ERBB4: variants seen among roughly 807,000 people sequenced by gnomAD.
ERBB4 encodes the protein receptor tyrosine-protein kinase erbB-4.
Under a neutral mutation model 158.0 loss-of-function variants are expected in ERBB4, and 42 were observed. The observed-to-expected ratio is 0.27, with a 90% CI of 0.21 to 0.34. ERBB4 has a LOEUF of 0.34. ERBB4 is among the 10% of genes least tolerant of loss of function. The probability of loss-of-function intolerance (pLI) is 1.00; values close to 1 mark genes in which losing one functional copy is unlikely to be tolerated. For missense variants in ERBB4, 1,333 were observed against 1,624.1 expected (o/e 0.82, Z 3.08); for synonymous variants, 583 against 558.7 (o/e 1.04, Z -0.61).
chr2:211,924,836 GA>G (rs2079972525), intron 3 of ERBB4, among the ~76,000 whole-genome samples: 1 of 152,110 alleles, frequency 6.6e-6, no homozygotes, highest in African/African-American at 2.4e-5. Flanking sequence ...AACCAAGGAA[GA>G]AAAAGGACCA....
chr2:211,812,702 T>C (rs1274909379), intron 3 of ERBB4, among the ~76,000 whole-genome samples: 1 of 152,190 alleles, frequency 6.6e-6, no homozygotes, highest in African/African-American at 2.4e-5. Flanking sequence ...CCATCCAATT[T>C]GAGCTTCCCC....
At chr2:211,550,913 G>T (rs549682529) in intron 20 of ERBB4, among the ~76,000 whole-genome samples, 1 of 150,660 alleles carries the variant, frequency 6.6e-6, no homozygotes, top group African/African-American at 2.4e-5. Context: ...CCGAGACACC[G>T]CAAGAATTCC....
At chr2:212,295,666 A>C (rs2106192926) in intron 1 of ERBB4, among the ~76,000 whole-genome samples, 1 of 152,132 alleles carries the variant, frequency 6.6e-6, no homozygotes, top group South Asian at 2.1e-4. Context: ...CAGTTACTTA[A>C]TATTTGTGAA....
At chr2:211,423,314 A>G (rs1019436920) in intron 23 of ERBB4, among the ~76,000 whole-genome samples, 1 of 151,982 alleles carries the variant, frequency 6.6e-6, no homozygotes, top group Non-Finnish European at 1.5e-5. Flanking sequence ...TGTCATGAAT[A>G]TAAATCTGAG....
chr2:211,382,065 GTGT>G lies in ERBB4; in HGVS notation c.*1547_*1549del. ...TTATATAAAGTATCAAAAGATTAGT[GTGT>G]TGGATAATAAAATAATTGCATGAGA... On this transcript the variant is annotated 3_prime_UTR_variant, in exon 28 of 28. Transcript: ENST00000342788. The G allele has an allele frequency of 4.4e-6, 1 of 229,408 alleles. No homozygotes were observed. Among genetic ancestry groups the G allele is most frequent in the Non-Finnish European group, 8.6e-6 (1 of 115,682 alleles). 14.2% of individuals were successfully genotyped at this position (229,408 alleles called of 1,614,324 possible). A position where few individuals can be genotyped will look rare whatever the true frequency, so the allele number is the denominator to read the frequency against.
chr2:212,479,327 T>G (rs1689567571), intron 1 of ERBB4, among the ~76,000 whole-genome samples: 1 of 152,118 alleles, frequency 6.6e-6, no homozygotes, highest in South Asian at 2.1e-4. Flanking sequence ...TCTTTCTCTT[T>G]CTCATAGCCA....
At chr2:211,677,716 T>C (rs1012096358) in intron 13 of ERBB4, among the ~76,000 whole-genome samples, 7 of 147,880 alleles carry the variant, frequency 4.7e-5, no homozygotes. Context: ...CTACCAAAAA[T>C]ACAAAAAATT....
At chr2:211,481,251 A>C (rs546359948) in intron 20 of ERBB4, among the ~76,000 whole-genome samples, 1 of 151,776 alleles carries the variant, frequency 6.6e-6, no homozygotes, top group East Asian at 1.9e-4. Context: ...TGAAGAGATG[A>C]AAAAAAACTA....
Position 211,720,741 on chromosome 2 carries a change from C to G in ERBB4, c.883+1652G>C, listed in dbSNP as rs191262870. On this transcript the variant is annotated intron_variant, in intron 7 of 27. Transcript: ENST00000342788. ...TCTGTTATTCATTTTCAGCATAGAA[C>G]AGTTTATCCTTCTGTTTCTTCAGGT... is the stretch of plus-strand genomic sequence containing the variant. Among the ~76,000 whole-genome samples, 30 of 152,294 alleles carry G rather than the reference C, an allele frequency of 2.0e-4. No individual in the cohort carries two copies. The East Asian group carries it at 5.6e-3, about 28-fold the overall frequency.
intron 20 of ERBB4, among the ~76,000 whole-genome samples, chr2:211,516,015 C>T (rs2066021534): frequency 1.4e-5 from 2 of 147,028 alleles, no homozygotes; most frequent in Admixed American, 1.4e-4. Context: ...CCCAGGTTCA[C>T]GCCATTCTCC....
chr2:211,607,888 T>TTTA (rs35895749), intron 19 of ERBB4, among the ~76,000 whole-genome samples: 1 of 118,864 alleles, frequency 8.4e-6, no homozygotes. Flanking sequence ...TTTTTTTTTT[T>TTTA]AGACAGGGTC....
chr2:212,006,783 G>A (rs1402715), intron 2 of ERBB4, among the ~76,000 whole-genome samples: 130,012 of 151,968 alleles, frequency 0.86, 56,832 homozygotes, highest in East Asian at 1. Context: ...CTAGGCTTAC[G>A]TATCTTGCCG....
chr2:211,947,842 G>T (rs906307547), intron 2 of ERBB4, among the ~76,000 whole-genome samples: 2 of 152,138 alleles, frequency 1.3e-5, no homozygotes, highest in Non-Finnish European at 2.9e-5. Flanking sequence ...TTATGAATGT[G>T]CTTATACTAA....
chr2:211,940,486 T>G (rs1482310500), intron 3 of ERBB4, among the ~76,000 whole-genome samples: 1 of 152,184 alleles, frequency 6.6e-6, no homozygotes, highest in East Asian at 1.9e-4. Context: ...TACTGTATCT[T>G]AAGAAAAAGT....
chr2:212,230,902 A>G (rs912826439), intron 1 of ERBB4, among the ~76,000 whole-genome samples: 12 of 152,220 alleles, frequency 7.9e-5, no homozygotes, highest in Admixed American at 7.9e-4. Context: ...GAACTTTTAA[A>G]TTAGATTATA....
At chr2:211,997,638 T>C (rs1239148111) in intron 2 of ERBB4, among the ~76,000 whole-genome samples, 4 of 151,978 alleles carry the variant, frequency 2.6e-5, no homozygotes, top group Non-Finnish European at 4.4e-5. Context: ...TTAAATTAGG[T>C]GCCACAGCTT....
intron 2 of ERBB4, among the ~76,000 whole-genome samples, chr2:212,116,500 T>C (rs772961771): frequency 6.6e-6 from 1 of 152,198 alleles, no homozygotes; most frequent in Non-Finnish European, 1.5e-5. Flanking sequence ...CAGGTTTGAG[T>C]GTAGTGGCAC....
chr2:211,861,363 T>TTTTTTTTTTTTTTTTTTTTTG (rs2078050587), intron 3 of ERBB4, among the ~76,000 whole-genome samples: 1 of 99,764 alleles, frequency 1.0e-5, no homozygotes, highest in Non-Finnish European at 1.9e-5. Context: ...TTTTTTTTTT[T>TTTTTTTTTTTTTTTTTTTTTG]TTTTTTACTT....
chr2:211,485,672 T>C (rs1251547732), intron 20 of ERBB4, among the ~76,000 whole-genome samples: 7 of 141,674 alleles, frequency 4.9e-5, no homozygotes, highest in African/African-American at 1.8e-4. Flanking sequence ...ATGCTTTGTC[T>C]TGAATATCCA....
Sources: allele counts gnomAD v4.1 joint callset (sites outside exome capture counted in the v4.1 genomes callset), GRCh38; gene constraint gnomAD v4.1.1; transcripts MANE v1.5; gene names NCBI Gene and HGNC (gene_info 2026-07-23, HGNC 2026-07-21).